ASXL2: variants seen among roughly 807,000 people sequenced by gnomAD.
ASXL2 encodes the protein ASXL transcriptional regulator 2, also known as putative Polycomb group protein ASXL2.
In ASXL2, 23 loss-of-function variants were observed where a neutral mutation model predicts 122.0. That is an observed-to-expected ratio of 0.19 (90% CI 0.14 to 0.27). The LOEUF is 0.27. ASXL2 is among the 10% of genes least tolerant of loss of function. The probability of loss-of-function intolerance (pLI) is 1.00; values close to 1 mark genes in which losing one functional copy is unlikely to be tolerated. For missense variants in ASXL2, 1,518 were observed against 1,713.8 expected, an observed-to-expected ratio of 0.89 and a Z score of 2.02; for synonymous variants, 650 against 637.0, an observed-to-expected ratio of 1.02 and a Z score of -0.31.
intron 3 of ASXL2, among the ~76,000 whole-genome samples, chr2:25,819,249 A>G (rs2089278696): frequency 6.6e-6 from 1 of 152,232 alleles, no homozygotes; most frequent in Non-Finnish European, 1.5e-5. Flanking sequence ...AGAAACTGAG[A>G]TAATAAATGC....
At chr2:25,789,481 C>A (rs2088797971) in intron 5 of ASXL2, among the ~76,000 whole-genome samples, 2 of 151,974 alleles carry the variant, frequency 1.3e-5, no homozygotes, top group South Asian at 2.1e-4. Context: ...GAAGAGAGCT[C>A]AGGGAGAGAT....
intron 3 of ASXL2, among the ~76,000 whole-genome samples, chr2:25,811,520 G>GA (rs1396344224): frequency 6.6e-6 from 1 of 151,624 alleles, no homozygotes; most frequent in African/African-American, 2.4e-5. Context: ...TAGCTCATTA[G>GA]AAAAAAATGG....
chr2:25,836,426 T>C (rs776913158), intron 2 of ASXL2, among the ~76,000 whole-genome samples: 2 of 152,140 alleles, frequency 1.3e-5, no homozygotes, highest in Non-Finnish European at 2.9e-5. Flanking sequence ...TGCTGAAAAG[T>C]AGTAGAGAAT....
intron 1 of ASXL2, among the ~76,000 whole-genome samples, chr2:25,846,091 C>T (rs1574445652): frequency 6.6e-6 from 1 of 152,262 alleles, no homozygotes; most frequent in East Asian, 1.9e-4. Flanking sequence ...TCCCCTGAGC[C>T]TGGACTTAAA....
chr2:25,776,910 C>T (rs925947101), intron 5 of ASXL2, among the ~76,000 whole-genome samples: 5 of 152,162 alleles, frequency 3.3e-5, no homozygotes, highest in African/African-American at 1.2e-4. Context: ...GGACAAACTG[C>T]TTAGAATGTT....
At chr2:25,801,085 C>G (rs138832566) in intron 4 of ASXL2, among the ~76,000 whole-genome samples, 11 of 152,108 alleles carry the variant, frequency 7.2e-5, no homozygotes, top group Admixed American at 2.6e-4. Flanking sequence ...TGCCACCATA[C>G]CCGGCTAATT....
At chr2:25,750,706 T>C (rs11687340) in intron 11 of ASXL2, among the ~76,000 whole-genome samples, 59,464 of 152,054 alleles carry the variant, frequency 0.39, 13,292 homozygotes, top group Non-Finnish European at 0.51. Flanking sequence ...GTTGCTATGA[T>C]AATTAAGTTA....
At chr2:25,812,836 T>C (rs1364356421) in intron 3 of ASXL2, among the ~76,000 whole-genome samples, 1 of 152,234 alleles carries the variant, frequency 6.6e-6, no homozygotes, top group African/African-American at 2.4e-5. Flanking sequence ...AACAGCCATG[T>C]TGGCAGCTAA....
Position 25,742,481 on chromosome 2 carries a change from G to C in ASXL2, c.3856C>G (p.Pro1286Ala). ...AVRGKAIRSS[P>A]ELFSSTVLPL... ...AGAACAGTAGAACTGAAAAGCTCGG[G>C]GCTGCTACGGATTGCCTTACCTCTC... Residue 1286 changes from proline to alanine, a missense_variant, in exon 13 of 13, where the codon CCC (proline) becomes GCC (alanine). Physicochemically the swap from Pro to Ala is conservative, Grantham distance 27. Coordinates refer to ENST00000435504, the MANE Select transcript of ASXL2 (RefSeq NM_018263.6). The C allele has an allele frequency of 6.2e-7, 1 of 1,613,686 alleles. No individual in the cohort carries two copies. Among genetic ancestry groups the C allele is most frequent in the Non-Finnish European group, 8.5e-7 (1 of 1,179,786 alleles).
chr2:25,755,069 T>C (rs964573504), intron 10 of ASXL2, among the ~76,000 whole-genome samples: 6 of 152,238 alleles, frequency 3.9e-5, no homozygotes, highest in Non-Finnish European at 2.9e-5. Flanking sequence ...GTATATATTT[T>C]AAAGTCTCTC....
intron 5 of ASXL2, among the ~76,000 whole-genome samples, chr2:25,791,668 T>A (rs1207158637): frequency 6.7e-6 from 1 of 148,936 alleles, no homozygotes; most frequent in African/African-American, 2.6e-5. Flanking sequence ...CCTTTATATA[T>A]GTTTTCTTTC....
At chr2:25,866,846 C>T (rs972601746) in intron 1 of ASXL2, among the ~76,000 whole-genome samples, 10 of 152,098 alleles carry the variant, frequency 6.6e-5, no homozygotes, top group Non-Finnish European at 1.5e-4. Flanking sequence ...GATTCTCCTG[C>T]CTCAGCGTCC....
chr2:25,742,366 C>T lies in ASXL2; in HGVS notation c.3971G>A (p.Gly1324Glu), dbSNP rs370555517. 239 of 1,586,454 alleles carry T rather than the reference C, an allele frequency of 1.5e-4. No individual in the cohort carries two copies. The highest frequency in any genetic ancestry group is 1.9e-4 in the Non-Finnish European group (217 of 1,164,956). Residue 1324 changes from glycine (G) to glutamate (E), a missense_variant, in exon 13 of 13, where the codon GGG (glycine) becomes GAG (glutamate). Around this residue, in one of 8 missense-constraint regions of ASXL2, gnomAD observed 831 missense variants for 833.1 expected, o/e 1.00. Coordinates refer to ENST00000435504, the MANE Select transcript of ASXL2 (RefSeq NM_018263.6). Reference sequence around the variant, plus strand: ...ATTGATCATGCCTCTATAGCTTGGCCCTATCTGGGTGGGGCTTCCATACAA... The same window carrying T: ...ATTGATCATGCCTCTATAGCTTGGCTCTATCTGGGTGGGGCTTCCATACAA... The part of the protein sequence containing the change: ...PKLYGSPTQI[G>E]PSYRGMINVS...
intron 5 of ASXL2, among the ~76,000 whole-genome samples, chr2:25,787,908 T>C (rs1455054048): frequency 6.6e-6 from 1 of 151,970 alleles, no homozygotes; most frequent in Non-Finnish European, 1.5e-5. Flanking sequence ...ATGAGATCAG[T>C]CAGAAAAGCC....
chr2:25,799,293 G>T, intron 5 of ASXL2, 92 bp downstream of exon 5: 2 of 1,554,990 alleles, frequency 1.3e-6, no homozygotes, highest in South Asian at 2.3e-5. Flanking sequence ...GAAAGTGACT[G>T]ACTGACCTGG....
At chr2:25,813,446 A>C (rs1034034827) in intron 3 of ASXL2, among the ~76,000 whole-genome samples, 2 of 152,206 alleles carry the variant, frequency 1.3e-5, no homozygotes, top group African/African-American at 4.8e-5. Context: ...TACTCACACT[A>C]AGATGGATAA....
intron 1 of ASXL2, among the ~76,000 whole-genome samples, chr2:25,866,014 G>A (rs1031150525): frequency 4.6e-5 from 7 of 151,744 alleles, no homozygotes; most frequent in African/African-American, 1.7e-4. Context: ...TGGTACAAAC[G>A]CATCATTTCC....
chr2:25,869,432 C>A (rs998554755), intron 1 of ASXL2, among the ~76,000 whole-genome samples: 1 of 152,032 alleles, frequency 6.6e-6, no homozygotes, highest in African/African-American at 2.4e-5. Flanking sequence ...CAGTTAAGGT[C>A]TGCAAGTAAA....
At chr2:25,805,238 G>A (rs1296068617) in intron 4 of ASXL2, among the ~76,000 whole-genome samples, 1 of 152,170 alleles carries the variant, frequency 6.6e-6, no homozygotes, top group Non-Finnish European at 1.5e-5. Context: ...CCACAACTGT[G>A]AATTGTGGTA....
Sources: gnomAD v4.1 joint callset for allele counts (sites outside exome capture counted in the v4.1 genomes callset) on GRCh38, gnomAD v4.1.1 for gene constraint, gnomAD v4.1.1 regional missense constraint, MANE v1.5 for transcripts, NCBI Gene and HGNC (gene_info 2026-07-23, HGNC 2026-07-21) for gene names.